The following ZMYND15 variants were observed in gnomAD, a reference collection of about 807,000 sequenced individuals.
ZMYND15 encodes zinc finger MYND-type containing 15, also known as zinc finger MYND domain-containing protein 15.
In ZMYND15, 54 loss-of-function variants were observed where a neutral mutation model predicts 81.7. The observed-to-expected ratio is 0.66, with a 90% CI of 0.53 to 0.83. The LOEUF (loss-of-function observed/expected upper bound fraction) is 0.83. Among genes scored for constraint, ZMYND15 ranks in the 40% least tolerant of loss-of-function variants. The pLI, the probability that ZMYND15 is intolerant of heterozygous loss-of-function variation, is 0.00. For missense variants in ZMYND15, 925 were observed against 973.5 expected, an observed-to-expected ratio of 0.95 and a Z score of 0.66; for synonymous variants, 399 against 387.0, an observed-to-expected ratio of 1.03 and a Z score of -0.36.
chr17:4,740,296 G>A, intron 1 of ZMYND15: 1 of 764,578 alleles, frequency 1.3e-6, no homozygotes, highest in Non-Finnish European at 1.8e-6. Flanking sequence ...TCATCCCTGA[G>A]TAGTCTTCTC....
rs943904745 is a variant in ZMYND15 at position 4,745,567 on chromosome 17, C to T, written c.2057+192C>T. ...GAGGTCTCGACATCCCCCAGCACAC[C>T]CCTCTTTAGATCTAGCTCACGGAAT... On this transcript the variant is annotated intron_variant, in intron 13 of 13. Coordinates refer to ENST00000433935, the MANE Select transcript of ZMYND15 (RefSeq NM_001136046.3). This position sits in a 1 kb window ranked among gnomAD's most constrained non-coding sequence, Gnocchi z 5.2. 6.6e-6 allele frequency among the ~76,000 whole-genome samples: 1 copy of T among 151,902 alleles called. No homozygotes were observed. Among genetic ancestry groups the T allele is most frequent in the Non-Finnish European group, 1.5e-5 (1 of 67,952 alleles).
In ZMYND15 at chr17:4,743,706, AAG is replaced by A. The variant is rs770417222; in HGVS notation, c.1298-57_1298-56del. 547 of 1,517,398 alleles carry A rather than the reference AAG, an allele frequency of 3.6e-4. No homozygotes were observed. The highest frequency in any genetic ancestry group is 4.5e-4 in the Non-Finnish European group (501 of 1,115,124). The allele number at this position is 1,517,398 out of a possible 1,614,324, so 94.0% of individuals were successfully genotyped here. ...GAATACAGCCCCTTTGGAAGGAAGA[AAG>A]AGATGGGTCAGGTGGGGGTCTCCCT... On this transcript the variant is annotated intron_variant, in intron 6 of 13. Transcript: ENST00000433935. This position sits in a 1 kb window ranked among gnomAD's most constrained non-coding sequence, Gnocchi z 4.3.
At chr17:4,741,401 G>A (rs375903447) in intron 2 of ZMYND15, among the ~76,000 whole-genome samples, 181 bp from the exon 3 acceptor site, 2 of 152,044 alleles carry the variant, frequency 1.3e-5, no homozygotes, top group Admixed American at 6.5e-5. Context: ...GCATGGCAGC[G>A]CATTCTGGTC....
chr17:4,742,132 G>A, intron 4 of ZMYND15, 62 bp downstream of exon 4: 2 of 1,600,460 alleles, frequency 1.2e-6, no homozygotes, highest in Non-Finnish European at 1.7e-6. Context: ...GGAAGGCAGG[G>A]TGGTGGGGGG....
In ZMYND15 at chr17:4,743,045, A is replaced by G. The variant is rs943783895; in HGVS notation, c.1145-258A>G. 2.0e-5 allele frequency among the ~76,000 whole-genome samples: 3 copies of G among 152,008 alleles called. No individual in the cohort carries two copies. The highest frequency in any genetic ancestry group is 7.2e-5 in the African/African-American group (3 of 41,384). On this transcript the variant is annotated intron_variant, in intron 5 of 13. Coordinates refer to ENST00000433935, the MANE Select transcript of ZMYND15 (RefSeq NM_001136046.3). This position sits in a 1 kb window ranked among gnomAD's most constrained non-coding sequence, Gnocchi z 4.3. ...GCCAACTTGAGCCCAGGAATTTGAG[A>G]TCAGCCTGGGCAACATAGACTCTGT...
rs1327383857 is a variant in ZMYND15, at chr17:4,741,664, T to C, written c.675T>C (p.Asp225=). ...GTILGIDLLV[D]GAQGTASWGS... is the part of the protein sequence containing the mutation. ...TCTTGGGCATTGATCTGCTAGTGGATGGAGCCCAGGGAACCGCAAGCTGGG... is the reference window on the plus strand; with the variant it reads ...TCTTGGGCATTGATCTGCTAGTGGACGGAGCCCAGGGAACCGCAAGCTGGG... Residue 225 remains aspartate (D), a synonymous_variant, in exon 3 of 14, where the codon GAT becomes GAC. Transcript: ENST00000433935. 1.9e-6 allele frequency: 3 copies of C among 1,614,030 alleles called. No homozygotes were observed. The highest frequency in any genetic ancestry group is 4.5e-5 in the East Asian group (2 of 44,898).
At position 4,741,904 on chromosome 17, in the gene ZMYND15, A is replaced by G. The variant is rs767058804; in HGVS notation, c.828-11A>G. On this transcript the variant is annotated splice_polypyrimidine_tract_variant and intron_variant, in intron 3 of 13. Coordinates refer to ENST00000433935, the MANE Select transcript of ZMYND15 (RefSeq NM_001136046.3). ...CCAGCCTGATGCCATCTCCCCCCCAACTGCATTTAGAGAGCTGGAGAGCTT... is the reference window on the plus strand; with the variant it reads ...CCAGCCTGATGCCATCTCCCCCCCAGCTGCATTTAGAGAGCTGGAGAGCTT... 49 of 1,612,244 alleles carry G rather than the reference A, an allele frequency of 3.0e-5. No individual in the cohort carries two copies. The highest frequency in any genetic ancestry group is 4.1e-5 in the Non-Finnish European group (48 of 1,178,764).
At chr17:4,740,281 C>G (rs1363414453) in intron 1 of ZMYND15, 3 of 683,614 alleles carry the variant, frequency 4.4e-6, no homozygotes, top group Admixed American at 8.4e-5. Flanking sequence ...GCCCCAAATA[C>G]CATCTCATCC....
In ZMYND15 at chr17:4,745,167, G is replaced by A; in HGVS notation, c.1897-48G>A. 1 of 1,613,236 alleles carries A rather than the reference G, an allele frequency of 6.2e-7. No individual in the cohort carries two copies. Among genetic ancestry groups the A allele is most frequent in the African/African-American group, 1.3e-5 (1 of 74,992 alleles). Reference sequence around the variant, plus strand: ...CCCGGTCTGTCATTCTGGCTGCTGGGATGGATTTGGGGAGGGGCCTCTCAG... The same window carrying A: ...CCCGGTCTGTCATTCTGGCTGCTGGAATGGATTTGGGGAGGGGCCTCTCAG... On this transcript the variant is annotated intron_variant, in intron 12 of 13. Transcript: ENST00000433935. The surrounding 1 kb of genome is among the most constrained non-coding windows in gnomAD (Gnocchi z 5.2).
rs1032658714 is a variant in ZMYND15 at position 4,745,090 on chromosome 17, G to A, written c.1897-125G>A. 2.7e-5 allele frequency: 42 copies of A among 1,559,756 alleles called. No individual in the cohort carries two copies. Among genetic ancestry groups the A allele is most frequent in the Admixed American group, 8.5e-5 (5 of 58,502 alleles). ...CCTGCCTCTCTCTGTGTCTGTCTCC[G>A]TCCTCCCCCTGCTCCCCTCCGCCCG... On this transcript the variant is annotated intron_variant, in intron 12 of 13. Coordinates refer to ENST00000433935, the MANE Select transcript of ZMYND15 (RefSeq NM_001136046.3). This position sits in a 1 kb window ranked among gnomAD's most constrained non-coding sequence, Gnocchi z 5.2.
chr17:4,739,998 C>A lies in ZMYND15; in HGVS notation c.-83C>A. On this transcript the variant is annotated 5_prime_UTR_variant, in exon 1 of 14. Coordinates refer to ENST00000433935, the MANE Select transcript of ZMYND15 (RefSeq NM_001136046.3). The surrounding 1 kb of genome is among the most constrained non-coding windows in gnomAD (Gnocchi z 5.3). The stretch of plus-strand genomic sequence containing the variant: ...GCAGCCCTGACGTCACAACCGCACC[C>A]GCGCACCCTCCACCGCGAGGTATTT... 1 of 985,392 alleles carries A rather than the reference C, an allele frequency of 1.0e-6. No homozygotes were observed. The highest frequency in any genetic ancestry group is 1.2e-6 in the Non-Finnish European group (1 of 829,946). The allele number at this position is 985,392 out of a possible 1,614,324, so 61.0% of individuals were successfully genotyped here. A position where few individuals can be genotyped will look rare whatever the true frequency, so the allele number is the denominator to read the frequency against.
rs1249932286 is a variant in ZMYND15, at chr17:4,744,049, G to A, written c.1437G>A (p.Val479=). Residue 479 remains valine, a synonymous_variant, in exon 8 of 14, where the codon GTG becomes GTA. Coordinates refer to ENST00000433935, the MANE Select transcript of ZMYND15 (RefSeq NM_001136046.3). The surrounding 1 kb of genome is among the most constrained non-coding windows in gnomAD (Gnocchi z 4.1). ...RGLSLDSPIA[V]LLTYPLTVYY... ...TCAGCTTGGACTCCCCCATAGCCGT[G>A]CTTCTCACCTACCCGCTGACCGTGT... 2 of 1,555,862 alleles carry A rather than the reference G, an allele frequency of 1.3e-6. No individual in the cohort carries two copies. Among genetic ancestry groups the A allele is most frequent in the Non-Finnish European group, 8.7e-7 (1 of 1,149,026 alleles).
At position 4,745,751 on chromosome 17, in the gene ZMYND15, A is replaced by AGCCCCGC. The variant is rs1567700450; in HGVS notation, c.2058-68_2058-67insGCCCCGC. The AGCCCCGC allele has an allele frequency of 6.7e-6, 8 of 1,195,388 alleles. No homozygotes were observed. In the African/African-American group the frequency reaches 1.4e-4, roughly 20 times the overall value. 74.0% of individuals were successfully genotyped at this position (1,195,388 alleles called of 1,614,324 possible). ...CCTGACCGCGCCCCTGGGAGCCCCG[A>AGCCCCGC]CCCCTGGGAGCGCCGACCCCTGGGA... On this transcript the variant is annotated intron_variant, in intron 13 of 13. Transcript: ENST00000433935. This position sits in a 1 kb window ranked among gnomAD's most constrained non-coding sequence, Gnocchi z 5.2.
rs199519753 is a variant in ZMYND15 at position 4,740,644 on chromosome 17, A to T, written c.96A>T (p.Val32=). The change falls in exon 2 of 14, where the codon GTA becomes GTT. Residue 32 remains valine, a synonymous_variant. Transcript: ENST00000433935. The part of the protein sequence containing the change: ...FRKFVAERGA[V]GTSLEGRCRQ... Reference sequence around the variant, plus strand: ...AGTTTGTGGCAGAGCGTGGAGCTGTAGGGACTAGCCTTGAGGGCCGCTGCC... The same window carrying T: ...AGTTTGTGGCAGAGCGTGGAGCTGTTGGGACTAGCCTTGAGGGCCGCTGCC... 1.5e-5 allele frequency: 25 copies of T among 1,614,184 alleles called. No homozygotes were observed. The East Asian group carries it at 5.6e-4, about 36-fold the overall frequency.
chr17:4,745,809 G>A lies in ZMYND15; in HGVS notation c.2058-10G>A, dbSNP rs1255350670. Reference sequence around the variant, plus strand: ...CCCGTGGTCCCTGACTGCGCCCCGCGCCCCCGCAGGTACTGCAATGCCTTC... The same window carrying A: ...CCCGTGGTCCCTGACTGCGCCCCGCACCCCCGCAGGTACTGCAATGCCTTC... On this transcript the variant is annotated splice_polypyrimidine_tract_variant and intron_variant, in intron 13 of 13. Transcript: ENST00000433935. This position sits in a 1 kb window ranked among gnomAD's most constrained non-coding sequence, Gnocchi z 5.2. The A allele has an allele frequency of 2.6e-6, 4 of 1,561,700 alleles. No individual in the cohort carries two copies. Among genetic ancestry groups the A allele is most frequent in the Admixed American group, 3.6e-5 (2 of 54,920 alleles).
Position 4,743,731 on chromosome 17 carries a change from C to T in ZMYND15, c.1298-36C>T. The T allele has an allele frequency of 6.3e-7, 1 of 1,589,798 alleles. No homozygotes were observed. Among genetic ancestry groups the T allele is most frequent in the Non-Finnish European group, 8.6e-7 (1 of 1,166,472 alleles). On this transcript the variant is annotated intron_variant, in intron 6 of 13. Transcript: ENST00000433935. The surrounding 1 kb of genome is among the most constrained non-coding windows in gnomAD (Gnocchi z 4.3). ...AAGAGATGGGTCAGGTGGGGGTCTC[C>T]CTGACCCCAGGCCCCTCCTTCTTTC...
Position 4,744,280 on chromosome 17 carries a change from T to C in ZMYND15, c.1584+2T>C. 2 of 1,614,000 alleles carry C rather than the reference T, an allele frequency of 1.2e-6. No individual in the cohort carries two copies. The highest frequency in any genetic ancestry group is 2.2e-5 in the South Asian group (2 of 91,076). ...TTTGACCTTGTCATGGTGTTTTGGG[T>C]AAGTCACCCCAGGCCTGAAGGTTGG... On this transcript the variant is annotated splice_donor_variant, in intron 9 of 13. Coordinates refer to ENST00000433935, the MANE Select transcript of ZMYND15 (RefSeq NM_001136046.3). LOFTEE classifies it high-confidence loss of function. This position sits in a 1 kb window ranked among gnomAD's most constrained non-coding sequence, Gnocchi z 4.1.
rs762815355 is a variant in ZMYND15, at chr17:4,740,668, C to T, written c.120C>T (p.Cys40=). 2 of 1,614,182 alleles carry T rather than the reference C, an allele frequency of 1.2e-6. No homozygotes were observed. The highest frequency in any genetic ancestry group is 2.2e-5 in the East Asian group (1 of 44,888). Residue 40 remains cysteine, a synonymous_variant, in exon 2 of 14, where the codon TGC becomes TGT. Coordinates refer to ENST00000433935, the MANE Select transcript of ZMYND15 (RefSeq NM_001136046.3). ...GAVGTSLEGR[C]RQLEAQIRRL... ...TAGGGACTAGCCTTGAGGGCCGCTG[C>T]CGGCAGCTGGAGGCCCAGATCAGAA...
chr17:4,743,575 C>T lies in ZMYND15; in HGVS notation c.1297+120C>T. On this transcript the variant is annotated intron_variant, in intron 6 of 13. Transcript: ENST00000433935. This position sits in a 1 kb window ranked among gnomAD's most constrained non-coding sequence, Gnocchi z 4.3. Reference sequence around the variant, plus strand: ...CTGACCCCTACCAACAGCACCAGGGCCATTTCAGGCCTTTCCCAGCCCTCA... The same window carrying T: ...CTGACCCCTACCAACAGCACCAGGGTCATTTCAGGCCTTTCCCAGCCCTCA... The T allele has an allele frequency of 1.4e-6, 2 of 1,438,522 alleles. No individual in the cohort carries two copies. Among genetic ancestry groups the T allele is most frequent in the Non-Finnish European group, 1.9e-6 (2 of 1,065,506 alleles). The allele number at this position is 1,438,522 out of a possible 1,614,324, so 89.1% of individuals were successfully genotyped here. A position where few individuals can be genotyped will look rare whatever the true frequency, so the allele number is the denominator to read the frequency against.
Sources: allele counts gnomAD v4.1 joint callset (sites outside exome capture counted in the v4.1 genomes callset), GRCh38; gene constraint gnomAD v4.1.1; non-coding constraint Gnocchi (gnomAD v3.1); transcripts MANE v1.5; gene names NCBI Gene and HGNC (gene_info 2026-07-23, HGNC 2026-07-21).